ANGPT1: variants seen among roughly 807,000 people sequenced by gnomAD.
ANGPT1 encodes angiopoietin 1.
In ANGPT1, 17 loss-of-function variants were observed where a neutral mutation model predicts 62.2. The ratio of observed to expected loss-of-function variants is 0.27; its 90% CI spans 0.19 to 0.41. The LOEUF is 0.41. Ranked by LOEUF, ANGPT1 falls within the 10% of genes least tolerant of loss-of-function variation. The pLI is 1.00. For missense variants in ANGPT1, 478 were observed against 594.9 expected (o/e 0.80, Z 2.04); for synonymous variants, 199 against 198.9 (o/e 1.00, Z 0.00).
chr8:107,408,324 G>T (rs573650155), intron 1 of ANGPT1, among the ~76,000 whole-genome samples: 2 of 152,242 alleles, frequency 1.3e-5, no homozygotes, highest in African/African-American at 2.4e-5. Context: ...TGTTCAAGAA[G>T]GCTCTTTGGT....
intron 6 of ANGPT1, among the ~76,000 whole-genome samples, chr8:107,291,757 TATAG>T (rs1814281466): frequency 6.6e-6 from 1 of 152,106 alleles, no homozygotes; most frequent in Non-Finnish European, 1.5e-5. Context: ...TGTTTTTGAA[TATAG>T]ATAATCTTTT....
At chr8:107,434,518 A>G (rs1017851911) in intron 1 of ANGPT1, among the ~76,000 whole-genome samples, 1 of 152,170 alleles carries the variant, frequency 6.6e-6, no homozygotes, top group African/African-American at 2.4e-5. Context: ...AAGCTCAAGG[A>G]CCTGAATTCA....
At chr8:107,410,718 G>A (rs892248) in intron 1 of ANGPT1, among the ~76,000 whole-genome samples, 97,605 of 152,082 alleles carry the variant, frequency 0.64, 33,893 homozygotes, top group Non-Finnish European at 0.77. Context: ...ACAAACAAAT[G>A]GACAATGTGG....
At chr8:107,406,150 T>C (rs1384167382) in intron 1 of ANGPT1, among the ~76,000 whole-genome samples, 1 of 151,918 alleles carries the variant, frequency 6.6e-6, no homozygotes, top group Non-Finnish European at 1.5e-5. Flanking sequence ...GATTTTATCA[T>C]ATGTGTTTGA....
intron 1 of ANGPT1, among the ~76,000 whole-genome samples, chr8:107,357,803 C>G (rs1406701063): frequency 6.6e-6 from 1 of 152,076 alleles, no homozygotes; most frequent in Non-Finnish European, 1.5e-5. Flanking sequence ...TTCAGGAATA[C>G]CATGACTAGG....
At chr8:107,484,575 C>A (rs1309991418) in intron 1 of ANGPT1, among the ~76,000 whole-genome samples, 1 of 151,822 alleles carries the variant, frequency 6.6e-6, no homozygotes, top group Non-Finnish European at 1.5e-5. Flanking sequence ...CAGGCTAATT[C>A]TTGTATATTA....
chr8:107,288,282 A>G (rs1330739928), intron 6 of ANGPT1, among the ~76,000 whole-genome samples: 1 of 152,176 alleles, frequency 6.6e-6, no homozygotes, highest in Non-Finnish European at 1.5e-5. Flanking sequence ...ATGAAAGCAC[A>G]GACTACTTTC....
At chr8:107,400,803 G>C (rs949730733) in intron 1 of ANGPT1, among the ~76,000 whole-genome samples, 2 of 151,798 alleles carry the variant, frequency 1.3e-5, no homozygotes, top group African/African-American at 2.4e-5. Context: ...CAGGTGATCC[G>C]TCCACCTCGG....
At chr8:107,451,738 T>C (rs1454922065) in intron 1 of ANGPT1, among the ~76,000 whole-genome samples, 1 of 151,928 alleles carries the variant, frequency 6.6e-6, no homozygotes, top group African/African-American at 2.4e-5. Context: ...CTTACACCTA[T>C]AGTAATCTCT....
chr8:107,309,169 C>G (rs1814790950), intron 4 of ANGPT1, among the ~76,000 whole-genome samples: 1 of 152,168 alleles, frequency 6.6e-6, no homozygotes, highest in Non-Finnish European at 1.5e-5. Flanking sequence ...ATCAGTTCTT[C>G]AATCGTTCAT....
intron 1 of ANGPT1, among the ~76,000 whole-genome samples, chr8:107,431,830 G>A (rs1178885307): frequency 6.6e-6 from 1 of 152,038 alleles, no homozygotes; most frequent in Non-Finnish European, 1.5e-5. Context: ...AGTCTTTGCA[G>A]ATGACCCAGT....
chr8:107,390,351 G>A (rs1031139218), intron 1 of ANGPT1, among the ~76,000 whole-genome samples: 6 of 152,114 alleles, frequency 3.9e-5, no homozygotes, highest in Non-Finnish European at 5.9e-5. Flanking sequence ...AAAGCAGGAC[G>A]TAATTCATTG....
intron 4 of ANGPT1, among the ~76,000 whole-genome samples, chr8:107,308,599 C>T (rs1374202744): frequency 2.6e-5 from 4 of 152,126 alleles, no homozygotes; most frequent in Non-Finnish European, 5.9e-5. Flanking sequence ...GAAGAGATAA[C>T]AGTTGAAAGA....
intron 1 of ANGPT1, among the ~76,000 whole-genome samples, chr8:107,467,758 CAAA>C (rs1812241449): frequency 6.6e-6 from 1 of 151,868 alleles, no homozygotes; most frequent in Non-Finnish European, 1.5e-5. Flanking sequence ...CATAGCTGGG[CAAA>C]AAGGAAATGT....
chr8:107,495,072 A>G (rs1813058142), intron 1 of ANGPT1: 1 of 152,208 alleles, frequency 6.6e-6, no homozygotes, highest in South Asian at 2.1e-4. Context: ...AAAATATCAC[A>G]TGAAGTTTAG....
At chr8:107,263,658 T>TAAAAAAAA (rs1430238716) in intron 8 of ANGPT1, among the ~76,000 whole-genome samples, 1 of 152,120 alleles carries the variant, frequency 6.6e-6, no homozygotes, top group Non-Finnish European at 1.5e-5. Flanking sequence ...ACAAAAGGAT[T>TAAAAAAAA]AACTTTCTTA....
At chr8:107,345,451 G>A (rs1338416773) in intron 2 of ANGPT1, among the ~76,000 whole-genome samples, 1 of 151,954 alleles carries the variant, frequency 6.6e-6, no homozygotes, top group African/African-American at 2.4e-5. Context: ...CTGCTAGGTA[G>A]ACAGAGATTA....
In ANGPT1 at chr8:107,313,017, C is replaced by G. The variant is rs370416206; in HGVS notation, c.808+8879G>C. Among the ~76,000 whole-genome samples, 5 of 152,192 alleles carry G rather than the reference C, an allele frequency of 3.3e-5. No homozygotes were observed. The East Asian group carries it at 9.6e-4, about 29-fold the overall frequency. On this transcript the variant is annotated intron_variant, in intron 4 of 8. Coordinates refer to ENST00000517746, the MANE Select transcript of ANGPT1 (RefSeq NM_001146.5). The stretch of plus-strand genomic sequence containing the variant: ...GTGTCCATGAGGCCTAAACAACTGG[C>G]AAAATCTCCCTTTAGAACCAAATTT...
chr8:107,422,288 C>T (rs1473718189), intron 1 of ANGPT1, among the ~76,000 whole-genome samples: 2 of 152,086 alleles, frequency 1.3e-5, no homozygotes, highest in Non-Finnish European at 2.9e-5. Context: ...AAAGAGGTAT[C>T]ACGGTTCTGA....
Sources: allele counts gnomAD v4.1 joint callset (sites outside exome capture counted in the v4.1 genomes callset), GRCh38; gene constraint gnomAD v4.1.1; transcripts MANE v1.5; gene names NCBI Gene and HGNC (gene_info 2026-07-23, HGNC 2026-07-21).